The following EBF1 variants were observed in gnomAD, a reference collection of about 807,000 sequenced individuals.
EBF1 encodes the protein transcription factor COE1.
In EBF1, 10 loss-of-function variants were observed where a neutral mutation model predicts 68.4. The ratio of observed to expected loss-of-function variants is 0.15; its 90% confidence interval spans 0.09 to 0.25. The LOEUF is 0.25. EBF1 is among the 10% of genes least tolerant of loss of function. The pLI, the probability that EBF1 is intolerant of heterozygous loss-of-function variation, is 1.00. For synonymous variants in EBF1, 298 were observed against 299.8 expected, an observed-to-expected ratio of 0.99 and a Z score of 0.06; for missense variants, 509 against 794.4, an observed-to-expected ratio of 0.64 and a Z score of 4.32.
intron 6 of EBF1, among the ~76,000 whole-genome samples, chr5:159,040,095 T>C (rs1280797219): frequency 1.3e-5 from 2 of 152,122 alleles, no homozygotes; most frequent in African/African-American, 4.8e-5. Context: ...GTAACTGTAG[T>C]GGTGAGGGTC....
At chr5:158,736,178 A>G (rs1765144633) in intron 10 of EBF1, among the ~76,000 whole-genome samples, 1 of 152,246 alleles carries the variant, frequency 6.6e-6, no homozygotes, top group Admixed American at 6.5e-5. Flanking sequence ...TTAAAATCAT[A>G]TAGTCAAGCC....
At chr5:158,723,468 T>C (rs1379194783) in intron 11 of EBF1, among the ~76,000 whole-genome samples, 1 of 152,150 alleles carries the variant, frequency 6.6e-6, no homozygotes, top group Admixed American at 6.5e-5. Context: ...TTATATTTAG[T>C]TAGTGCTTAT....
chr5:159,007,994 TG>T (rs1452434053), intron 6 of EBF1, among the ~76,000 whole-genome samples: 2 of 152,220 alleles, frequency 1.3e-5, no homozygotes, highest in Non-Finnish European at 2.9e-5. Context: ...AAGTGAACAA[TG>T]ATCCATTTAA....
At chr5:158,935,384 G>C (rs895210845) in intron 6 of EBF1, among the ~76,000 whole-genome samples, 1 of 152,188 alleles carries the variant, frequency 6.6e-6, no homozygotes, top group Non-Finnish European at 1.5e-5. Flanking sequence ...CACCCCGCTT[G>C]CCCAGCAAGC....
At chr5:158,940,806 A>G (rs1037204621) in intron 6 of EBF1, among the ~76,000 whole-genome samples, 25 of 115,114 alleles carry the variant, frequency 2.2e-4, no homozygotes, top group Middle Eastern at 6.0e-3. Flanking sequence ...ATGGACTCCA[A>G]TGGAAAGTGA....
intron 6 of EBF1, among the ~76,000 whole-genome samples, chr5:158,934,155 C>T (rs1811476903): frequency 6.6e-6 from 1 of 152,006 alleles, no homozygotes; most frequent in African/African-American, 2.4e-5. Context: ...GGTATGATTA[C>T]CAGGTTAAAG....
chr5:158,765,885 A>C (rs933759338), intron 10 of EBF1, among the ~76,000 whole-genome samples: 3 of 152,220 alleles, frequency 2.0e-5, no homozygotes, highest in Non-Finnish European at 2.9e-5. Context: ...ACTCATACCA[A>C]GGATTGCACA....
Position 159,074,183 on chromosome 5 carries a change from C to T in EBF1, c.486-719G>A, listed in dbSNP as rs145243901. On this transcript the variant is annotated intron_variant, in intron 5 of 15. Coordinates refer to ENST00000313708, the MANE Select transcript of EBF1 (RefSeq NM_024007.5). ...AGGTTAGCACAGCTCTGTGAGAGGA[C>T]GCTCTTTATGTTAGAGAAGGAAGAG... Among the ~76,000 whole-genome samples, 597 of 152,250 alleles carry T rather than the reference C, an allele frequency of 3.9e-3. 7 individuals carry two copies. The highest frequency in any genetic ancestry group is 0.013 in the African/African-American group (547 of 41,532).
intron 6 of EBF1, among the ~76,000 whole-genome samples, chr5:158,915,212 C>T (rs983492981): frequency 7.9e-5 from 12 of 152,078 alleles, no homozygotes; most frequent in Admixed American, 2.0e-4. Context: ...GGGACAGCCT[C>T]GGAGGGCGAT....
At chr5:158,943,546 A>G (rs1191486151) in intron 6 of EBF1, among the ~76,000 whole-genome samples, 1 of 152,218 alleles carries the variant, frequency 6.6e-6, no homozygotes, top group Non-Finnish European at 1.5e-5. Flanking sequence ...AAAAGCTTCT[A>G]AACAGAACAG....
At chr5:159,098,143 C>T (rs1344129037) in intron 1 of EBF1, among the ~76,000 whole-genome samples, 1 of 152,220 alleles carries the variant, frequency 6.6e-6, no homozygotes, top group Non-Finnish European at 1.5e-5. Flanking sequence ...CACTCTGAGT[C>T]CGATAGGGCC....
intron 6 of EBF1, among the ~76,000 whole-genome samples, chr5:158,928,266 A>G (rs1810096480): frequency 6.6e-6 from 1 of 152,196 alleles, no homozygotes; most frequent in African/African-American, 2.4e-5. Flanking sequence ...ATGTTAGAGT[A>G]AAATGCTTAG....
chr5:158,755,703 G>A (rs1769921176), intron 10 of EBF1, among the ~76,000 whole-genome samples: 2 of 152,088 alleles, frequency 1.3e-5, no homozygotes, highest in African/African-American at 2.4e-5. Flanking sequence ...AGAAAACAAA[G>A]GCTGAGGCCT....
intron 6 of EBF1, among the ~76,000 whole-genome samples, chr5:158,871,639 A>T (rs575445999): frequency 2.6e-5 from 4 of 152,196 alleles, no homozygotes; most frequent in Admixed American, 1.3e-4. Context: ...CCATCCCCAT[A>T]GGTGGAAACA....
chr5:158,795,371 T>A (rs1023120581), intron 9 of EBF1, among the ~76,000 whole-genome samples: 7 of 152,166 alleles, frequency 4.6e-5, no homozygotes, highest in Admixed American at 3.9e-4. Flanking sequence ...AAAAGAAATA[T>A]GCTACGAGTA....
intron 6 of EBF1, among the ~76,000 whole-genome samples, chr5:158,847,026 G>A (rs1791658951): frequency 6.6e-6 from 1 of 152,258 alleles, no homozygotes; most frequent in Non-Finnish European, 1.5e-5. Context: ...GGATCCCAGG[G>A]GGAGAGCATG....
chr5:158,883,330 A>G (rs1175471699), intron 6 of EBF1, among the ~76,000 whole-genome samples: 1 of 138,448 alleles, frequency 7.2e-6, no homozygotes, highest in Non-Finnish European at 1.5e-5. Flanking sequence ...GTATATATAT[A>G]CACACACATA....
At chr5:158,944,658 T>C (rs1405170441) in intron 6 of EBF1, among the ~76,000 whole-genome samples, 1 of 152,224 alleles carries the variant, frequency 6.6e-6, no homozygotes, top group East Asian at 1.9e-4. Context: ...TCTTCCACAG[T>C]GGTTGAACTA....
At chr5:158,927,122 G>A (rs757600694) in intron 6 of EBF1, among the ~76,000 whole-genome samples, 3 of 152,154 alleles carry the variant, frequency 2.0e-5, no homozygotes, top group African/African-American at 7.2e-5. Flanking sequence ...GTATTACTGT[G>A]GACAAATTAC....
Sources: allele counts gnomAD v4.1 joint callset (sites outside exome capture counted in the v4.1 genomes callset), GRCh38; gene constraint gnomAD v4.1.1; transcripts MANE v1.5; gene names NCBI Gene and HGNC (gene_info 2026-07-23, HGNC 2026-07-21).